XDH: variants seen among roughly 807,000 people sequenced by gnomAD.
The protein encoded by XDH is xanthine dehydrogenase/oxidase.
In XDH, 138 loss-of-function variants were observed where a neutral mutation model predicts 156.1. That is an observed-to-expected ratio of 0.88 (90% confidence interval 0.77 to 1.02). The LOEUF is 1.02. XDH is among the 50% of genes least tolerant of loss of function. The pLI, the probability that XDH is intolerant of heterozygous loss-of-function variation, is 0.00. For missense variants in XDH, 1,849 were observed against 1,684.9 expected, an observed-to-expected ratio of 1.10 and a Z score of -1.71; for synonymous variants, 669 against 625.7, an observed-to-expected ratio of 1.07 and a Z score of -1.03.
chr2:31,382,544 G>A (rs1450867435), intron 11 of XDH, among the ~76,000 whole-genome samples: 1 of 152,100 alleles, frequency 6.6e-6, no homozygotes, highest in African/African-American at 2.4e-5. Context: ...ATCAACAGGT[G>A]TATTCCTCCC....
At chr2:31,346,724 T>G (rs775071243) in intron 30 of XDH, 45 bp downstream of exon 30, 2 of 1,611,998 alleles carry the variant, frequency 1.2e-6, no homozygotes, top group African/African-American at 2.7e-5. Flanking sequence ...CTGCTGTCAA[T>G]TTCCCTCTCC....
chr2:31,377,381 A>T, intron 13 of XDH, 144 bp from the exon 14 acceptor site: 1 of 855,090 alleles, frequency 1.2e-6, no homozygotes, highest in African/African-American at 1.7e-5. Context: ...GGAATCAAAG[A>T]TCAAATGTAA....
intron 24 of XDH, among the ~76,000 whole-genome samples, chr2:31,350,497 C>T (rs561102032): frequency 2.6e-5 from 4 of 151,472 alleles, no homozygotes; most frequent in Non-Finnish European, 4.4e-5. Context: ...CTGCCTCAGC[C>T]TCCTGAGTAG....
chr2:31,368,553 A>G lies in XDH; in HGVS notation c.2088T>C (p.Ile696=). ...CATTCTCAGTTACCTCAATTGTGAT[A>G]ATGGCTGGTAGTTCTTCATAGGTGA... ...VKITYEELPA[I]ITIEDAIKNN... The change falls in exon 19 of 36, where the codon ATT becomes ATC. Residue 696 remains isoleucine, a synonymous_variant. Transcript: ENST00000379416. The G allele has an allele frequency of 6.2e-7, 1 of 1,614,148 alleles. No homozygotes were observed. The highest frequency in any genetic ancestry group is 8.5e-7 in the Non-Finnish European group (1 of 1,180,024).
intron 6 of XDH, among the ~76,000 whole-genome samples, chr2:31,392,883 A>T (rs1380862563): frequency 6.6e-6 from 1 of 152,038 alleles, no homozygotes. Context: ...TTTCTTTTTG[A>T]CCATGTGTTC....
At chr2:31,338,242 A>G (rs575463022) in intron 34 of XDH, among the ~76,000 whole-genome samples, 2 of 152,344 alleles carry the variant, frequency 1.3e-5, no homozygotes, top group South Asian at 4.1e-4. Flanking sequence ...ATATTACAGC[A>G]TCCGCAGGAA....
chr2:31,374,994 C>CCTTTCTTTCTTT (rs71405566), intron 15 of XDH, among the ~76,000 whole-genome samples: 40 of 134,390 alleles, frequency 3.0e-4, no homozygotes, highest in African/African-American at 1.2e-3. Flanking sequence ...TTCTTTTTTT[C>CCTTTCTTTCTTT]CTTTCTTTCT....
intron 6 of XDH, among the ~76,000 whole-genome samples, chr2:31,391,765 G>A (rs112066613): frequency 2.6e-5 from 4 of 152,230 alleles, no homozygotes; most frequent in South Asian, 2.1e-4. Context: ...AATGTAAAAC[G>A]TAAATGATAA....
intron 24 of XDH, 68 bp from the exon 25 acceptor site, chr2:31,350,291 C>T (rs950085675): frequency 1.3e-6 from 2 of 1,493,646 alleles, no homozygotes; most frequent in African/African-American, 2.8e-5. Flanking sequence ...AAAGTAGGAA[C>T]TTTGAGGGCT....
chr2:31,377,105 T>A lies in XDH; in HGVS notation c.1375A>T (p.Met459Leu). Reference sequence around the variant, plus strand: ...AGGGCTGAGATGGTTCTGTTGGCCATTCCACCATAGCAAAGGGCCAGCTCC... The same window carrying A: ...AGGGCTGAGATGGTTCTGTTGGCCAATCCACCATAGCAAAGGGCCAGCTCC... The part of the protein sequence containing the change: ...VQELALCYGG[M>L]ANRTISALKT... Residue 459 changes from methionine (M) to leucine (L), a missense_variant, in exon 14 of 36, where the codon ATG becomes TTG. Coordinates refer to ENST00000379416, the MANE Select transcript of XDH (RefSeq NM_000379.4). 6.2e-7 allele frequency: 1 copy of A among 1,614,144 alleles called. No individual in the cohort carries two copies. The highest frequency in any genetic ancestry group is 8.5e-7 in the Non-Finnish European group (1 of 1,180,014).
rs777318068 is a variant in XDH, at chr2:31,335,810, T to C, written c.*148A>G. 15 of 884,520 alleles carry C rather than the reference T, an allele frequency of 1.7e-5. No individual in the cohort carries two copies. The highest frequency in any genetic ancestry group is 2.8e-5 in the Non-Finnish European group (15 of 540,840). The allele number at this position is 884,520 out of a possible 1,614,324, so 54.8% of individuals were successfully genotyped here. A position where few individuals can be genotyped will look rare whatever the true frequency, so the allele number is the denominator to read the frequency against. On this transcript the variant is annotated 3_prime_UTR_variant, in exon 36 of 36. Transcript: ENST00000379416. ...TTACATTTTTGATCAAAATCTTCCA[T>C]TGCATTCACTTGTCTTCCAAATCCC...
chr2:31,365,851 G>A, intron 22 of XDH, 125 bp downstream of exon 22: 5 of 1,490,858 alleles, frequency 3.4e-6, no homozygotes, highest in Non-Finnish European at 4.6e-6. Context: ...AAAACAGAGG[G>A]CTGTGAGAAT....
intron 4 of XDH, 61 bp downstream of exon 4, chr2:31,401,159 G>A (rs1306786176): frequency 1.5e-5 from 24 of 1,588,540 alleles, no homozygotes; most frequent in Non-Finnish European, 2.0e-5. Context: ...ACTTTGGCAT[G>A]AGCCTCCCTG....
intron 16 of XDH, among the ~76,000 whole-genome samples, chr2:31,372,751 G>A (rs536665949): frequency 6.6e-6 from 1 of 152,264 alleles, no homozygotes; most frequent in South Asian, 2.1e-4. Context: ...ATAAAAACGT[G>A]ACGCAAAACA....
rs45530139 is a variant in XDH at position 31,385,065 on chromosome 2, A to G, written c.794-1218T>C. On this transcript the variant is annotated intron_variant, in intron 9 of 35. Transcript: ENST00000379416. ...GGACATTGGATGGCTCATGGCAGGG[A>G]GCATGCAAGTGTGAAATGATCCCCT... is the stretch of plus-strand genomic sequence containing the variant. Among the ~76,000 whole-genome samples the G allele has an allele frequency of 5.0e-3, 758 of 152,190 alleles. 8 individuals carry two copies. The highest frequency in any genetic ancestry group is 0.017 in the African/African-American group (718 of 41,534).
chr2:31,374,020 T>C (rs1001804130), intron 15 of XDH, 64 bp from the exon 16 acceptor site: 41 of 1,529,604 alleles, frequency 2.7e-5, no homozygotes, highest in Non-Finnish European at 3.6e-5. Context: ...CTTCCTTGCT[T>C]GTCCATAAAA....
intron 24 of XDH, among the ~76,000 whole-genome samples, chr2:31,360,956 C>T (rs1685762042): frequency 6.6e-6 from 1 of 152,194 alleles, no homozygotes; most frequent in African/African-American, 2.4e-5. Flanking sequence ...TACATTTCAG[C>T]TTCCATAAAA....
At chr2:31,337,161 A>G (rs975980727) in intron 35 of XDH, among the ~76,000 whole-genome samples, 13 of 152,232 alleles carry the variant, frequency 8.5e-5, no homozygotes, top group East Asian at 7.8e-4. Flanking sequence ...AAGGACATCT[A>G]TGTGTCCCCA....
chr2:31,413,723 C>T (rs192611524), intron 1 of XDH, among the ~76,000 whole-genome samples: 9 of 152,270 alleles, frequency 5.9e-5, no homozygotes, highest in South Asian at 4.1e-4. Context: ...ACATTCATCA[C>T]GCACAGTCCA....
Sources: gnomAD v4.1 joint callset for allele counts (sites outside exome capture counted in the v4.1 genomes callset) on GRCh38, gnomAD v4.1.1 for gene constraint, MANE v1.5 for transcripts, NCBI Gene and HGNC (gene_info 2026-07-23, HGNC 2026-07-21) for gene names.